ARPP21: variants seen among roughly 807,000 people sequenced by gnomAD.
ARPP21 encodes cAMP-regulated phosphoprotein 21.
ARPP21 carries 69 observed loss-of-function variants against 113.2 expected under a neutral mutation model. The ratio of observed to expected loss-of-function variants is 0.61; its 90% confidence interval spans 0.50 to 0.74. The LOEUF is 0.74. Ranked by LOEUF, ARPP21 falls within the 30% of genes least tolerant of loss-of-function variation. ARPP21 has a pLI of 0.00. For missense variants in ARPP21, 1,070 were observed against 1,037.4 expected, an observed-to-expected ratio of 1.03 and a Z score of -0.43; for synonymous variants, 368 against 375.5, an observed-to-expected ratio of 0.98 and a Z score of 0.23.
At chr3:35,776,284 A>G (rs570828492) in intron 19 of ARPP21, among the ~76,000 whole-genome samples, 14 of 152,316 alleles carry the variant, frequency 9.2e-5, no homozygotes, top group East Asian at 3.9e-4. Flanking sequence ...AAAATTTACA[A>G]AATGGTTACA....
chr3:35,726,448 T>C (rs1019595463), intron 14 of ARPP21, among the ~76,000 whole-genome samples: 1 of 152,232 alleles, frequency 6.6e-6, no homozygotes, highest in Non-Finnish European at 1.5e-5. Flanking sequence ...TGCTGAGCCA[T>C]CCTTTTGAAG....
At chr3:35,694,659 C>G (rs564185984) in intron 9 of ARPP21, among the ~76,000 whole-genome samples, 1 of 150,948 alleles carries the variant, frequency 6.6e-6, no homozygotes, top group Non-Finnish European at 1.5e-5. Context: ...AGCAAAAATA[C>G]CCAGAAATTA....
intron 9 of ARPP21, among the ~76,000 whole-genome samples, chr3:35,696,837 A>G (rs886827594): frequency 4.0e-5 from 6 of 151,636 alleles, no homozygotes; most frequent in Non-Finnish European, 8.9e-5. Flanking sequence ...GTCTTTCTAT[A>G]TAAGAAATTT....
intron 19 of ARPP21, among the ~76,000 whole-genome samples, chr3:35,757,036 CA>C (rs2095595978): frequency 6.7e-6 from 1 of 150,282 alleles, no homozygotes; most frequent in Non-Finnish European, 1.5e-5. Flanking sequence ...TATTATGATA[CA>C]GAGTTCAGAG....
At chr3:35,733,751 C>T (rs2094156614) in intron 15 of ARPP21, among the ~76,000 whole-genome samples, 1 of 152,138 alleles carries the variant, frequency 6.6e-6, no homozygotes, top group African/African-American at 2.4e-5. Context: ...CAGTTCTTTC[C>T]ATCTCCCCTT....
rs1452840861 is a variant in ARPP21 at position 35,706,957 on chromosome 3, T to C, written c.687-17T>C. On this transcript the variant is annotated splice_polypyrimidine_tract_variant and intron_variant, in intron 9 of 20. Coordinates refer to ENST00000684406, the MANE Select transcript of ARPP21 (RefSeq NM_001385562.1). The stretch of plus-strand genomic sequence containing the variant: ...GGGGAAAAACTTTTTTATTGATATG[T>C]TTTACTTTGCTGGCAGACCAGAGCA... 1 of 1,598,764 alleles carries C rather than the reference T, an allele frequency of 6.3e-7. No homozygotes were observed. The highest frequency in any genetic ancestry group is 1.1e-5 in the South Asian group (1 of 89,190).
intron 19 of ARPP21, among the ~76,000 whole-genome samples, chr3:35,756,941 G>T (rs944747950): frequency 3.3e-5 from 5 of 152,030 alleles, no homozygotes; most frequent in Admixed American, 6.6e-5. Context: ...ATTAATTTTT[G>T]TTTCCTAAGG....
chr3:35,788,701 C>G (rs1167499099), intron 19 of ARPP21, among the ~76,000 whole-genome samples: 1 of 152,162 alleles, frequency 6.6e-6, no homozygotes, highest in African/African-American at 2.4e-5. Context: ...TCAGTCACAA[C>G]CATGCCAATC....
At chr3:35,790,739 C>G (rs867315848) in intron 19 of ARPP21, among the ~76,000 whole-genome samples, 2 of 152,294 alleles carry the variant, frequency 1.3e-5, no homozygotes, top group African/African-American at 2.4e-5. Context: ...TGACTGTCTG[C>G]TGTGGACAGA....
intron 15 of ARPP21, 60 bp downstream of exon 15, chr3:35,729,596 G>A: frequency 1.4e-6 from 2 of 1,421,036 alleles, no homozygotes; most frequent in East Asian, 2.3e-5. Flanking sequence ...TCTTATGTTT[G>A]ATCTTATGAA....
chr3:35,679,454 C>T (rs1454249906), intron 1 of ARPP21, among the ~76,000 whole-genome samples: 1 of 150,952 alleles, frequency 6.6e-6, no homozygotes, highest in Non-Finnish European at 1.5e-5. Flanking sequence ...GATCCTGATC[C>T]TCATTGAGGC....
chr3:35,702,484 G>A (rs535326799), intron 9 of ARPP21, among the ~76,000 whole-genome samples: 13 of 151,832 alleles, frequency 8.6e-5, no homozygotes, highest in South Asian at 4.1e-4. Flanking sequence ...CAGAGGTACC[G>A]GTGTAAGAGA....
intron 5 of ARPP21, 52 bp downstream of exon 5, chr3:35,683,867 G>A: frequency 1.0e-6 from 1 of 962,758 alleles, no homozygotes; most frequent in Non-Finnish European, 1.7e-6. Flanking sequence ...CCACCTTTGT[G>A]TGCATGACTC....
chr3:35,785,298 C>A (rs149424670), intron 19 of ARPP21: 1 of 152,156 alleles, frequency 6.6e-6, no homozygotes, highest in Non-Finnish European at 1.5e-5. Context: ...GTCTTTCATG[C>A]GGTCTTTCTC....
chr3:35,748,070 GAAA>G (rs1450779809), intron 19 of ARPP21, among the ~76,000 whole-genome samples: 41 of 92,716 alleles, frequency 4.4e-4, no homozygotes, highest in Middle Eastern at 7.5e-3. Context: ...AAGGAAGGAA[GAAA>G]GAAAGAAAGA....
At chr3:35,758,997 A>G (rs1480164690) in intron 19 of ARPP21, among the ~76,000 whole-genome samples, 2 of 152,014 alleles carry the variant, frequency 1.3e-5, no homozygotes, top group East Asian at 1.9e-4. Flanking sequence ...TGCATGTAAG[A>G]TATATTTTAA....
intron 1 of ARPP21, among the ~76,000 whole-genome samples, chr3:35,668,729 A>G (rs573086091): frequency 3.9e-5 from 6 of 152,190 alleles, no homozygotes; most frequent in Non-Finnish European, 8.8e-5. Flanking sequence ...GTAGTCATTT[A>G]TGTAAATATG....
At chr3:35,733,775 A>G (rs752208172) in intron 15 of ARPP21, among the ~76,000 whole-genome samples, 1 of 152,166 alleles carries the variant, frequency 6.6e-6, no homozygotes, top group Non-Finnish European at 1.5e-5. Context: ...GAGCATAAAA[A>G]TCAATTTTTT....
chr3:35,756,653 G>T (rs1039179996), intron 19 of ARPP21, among the ~76,000 whole-genome samples: 22 of 152,060 alleles, frequency 1.4e-4, no homozygotes, highest in Admixed American at 5.9e-4. Context: ...TTTTTTACAG[G>T]TACCTAGAGA....
Sources: gnomAD v4.1 joint callset for allele counts (sites outside exome capture counted in the v4.1 genomes callset) on GRCh38, gnomAD v4.1.1 for gene constraint, MANE v1.5 for transcripts, NCBI Gene and HGNC (gene_info 2026-07-23, HGNC 2026-07-21) for gene names.